DOCK3: variants seen among roughly 807,000 people sequenced by gnomAD.
DOCK3 encodes dedicator of cytokinesis 3.
In DOCK3, 60 loss-of-function variants were observed where a neutral mutation model predicts 265.6. The observed-to-expected ratio is 0.23, with a 90% CI of 0.18 to 0.28. DOCK3 has a LOEUF of 0.28. DOCK3 is among the 10% of genes least tolerant of loss of function. DOCK3 has a pLI of 1.00. For missense variants in DOCK3, 1,981 were observed against 2,594.3 expected (o/e 0.76, Z 5.14); for synonymous variants, 881 against 938.0 (o/e 0.94, Z 1.11).
At chr3:50,757,867 G>T (rs1296486824) in intron 1 of DOCK3, among the ~76,000 whole-genome samples, 1 of 151,938 alleles carries the variant, frequency 6.6e-6, no homozygotes, top group Non-Finnish European at 1.5e-5. Context: ...GAATTGTCTT[G>T]GCACCTTTAT....
intron 5 of DOCK3, among the ~76,000 whole-genome samples, chr3:51,000,875 A>G (rs1451749438): frequency 6.6e-6 from 1 of 151,342 alleles, no homozygotes; most frequent in Non-Finnish European, 1.5e-5. Context: ...CTGGTCTTGA[A>G]CTCCTGACCT....
chr3:51,226,798 A>G (rs991457188), intron 15 of DOCK3, among the ~76,000 whole-genome samples: 5 of 152,182 alleles, frequency 3.3e-5, no homozygotes, highest in Non-Finnish European at 7.3e-5. Flanking sequence ...AATCTGGACT[A>G]ACTTGTTTAT....
chr3:50,679,576 G>T (rs1189553596), intron 1 of DOCK3, among the ~76,000 whole-genome samples: 1 of 152,150 alleles, frequency 6.6e-6, no homozygotes, highest in East Asian at 1.9e-4. Flanking sequence ...TGCAGGAAAA[G>T]AATCTGAAGG....
chr3:50,978,130 T>C (rs1485093097), intron 5 of DOCK3, among the ~76,000 whole-genome samples: 11 of 151,960 alleles, frequency 7.2e-5, no homozygotes, highest in South Asian at 2.1e-4. Context: ...GTCTGAAGCC[T>C]TCTTCTCTCA....
chr3:50,991,582 C>G (rs997707703), intron 5 of DOCK3, among the ~76,000 whole-genome samples: 5 of 152,160 alleles, frequency 3.3e-5, no homozygotes, highest in Admixed American at 3.3e-4. Flanking sequence ...CACCTGGATT[C>G]ATAAAGCCAA....
intron 14 of DOCK3, among the ~76,000 whole-genome samples, chr3:51,221,194 G>T (rs937764152): frequency 1.9e-4 from 29 of 152,142 alleles, no homozygotes; most frequent in African/African-American, 6.8e-4. Flanking sequence ...AAGCACCTCT[G>T]AGTATTCCAG....
chr3:51,110,193 A>G (rs1372590276), intron 9 of DOCK3, among the ~76,000 whole-genome samples: 5 of 152,072 alleles, frequency 3.3e-5, no homozygotes, highest in Non-Finnish European at 7.4e-5. Flanking sequence ...AAATAAATAA[A>G]TAAATAAATA....
intron 9 of DOCK3, among the ~76,000 whole-genome samples, chr3:51,102,650 A>G (rs1214457799): frequency 2.0e-5 from 3 of 152,244 alleles, no homozygotes; most frequent in Non-Finnish European, 2.9e-5. Context: ...TGTTGTAGAA[A>G]TAGCACAAAC....
chr3:50,812,383 AG>A (rs1227482849), intron 2 of DOCK3, among the ~76,000 whole-genome samples: 1 of 152,204 alleles, frequency 6.6e-6, no homozygotes, highest in East Asian at 1.9e-4. Flanking sequence ...AGATGTTTAT[AG>A]GGTTGTATTA....
chr3:51,015,442 A>G (rs1419958418), intron 5 of DOCK3, among the ~76,000 whole-genome samples: 2 of 151,556 alleles, frequency 1.3e-5, no homozygotes, highest in African/African-American at 2.4e-5. Context: ...ATTGATTTGC[A>G]TATTTTGAAC....
chr3:51,233,361 T>TC (rs141212241), intron 19 of DOCK3, among the ~76,000 whole-genome samples: 20 of 10,444 alleles, frequency 1.9e-3, no homozygotes, highest in South Asian at 0.01. Context: ...TATCTATCTA[T>TC]TTATTTATTT....
chr3:50,970,947 AATG>A (rs2077209111), intron 5 of DOCK3, among the ~76,000 whole-genome samples: 6 of 53,298 alleles, frequency 1.1e-4, no homozygotes, highest in African/African-American at 5.1e-4. Flanking sequence ...ATATATATAT[AATG>A]TGTGTGTGTG....
intron 19 of DOCK3, among the ~76,000 whole-genome samples, chr3:51,230,387 T>C (rs1029298510): frequency 3.9e-5 from 6 of 152,234 alleles, no homozygotes; most frequent in Non-Finnish European, 7.3e-5. Flanking sequence ...TTTTCTGTTC[T>C]TGCTAGTTTC....
rs1437297019 is a variant in DOCK3, at chr3:51,382,669, A to G, written c.*1110A>G. ...GGGGCTTCTCCTTTTGGAAGCAGAT[A>G]GCCATGCAGGTAGAATTGTCATCTC... On this transcript the variant is annotated 3_prime_UTR_variant, in exon 53 of 53. Transcript: ENST00000266037. The G allele has an allele frequency of 6.6e-6, 1 of 152,556 alleles. No homozygotes were observed. Among genetic ancestry groups the G allele is most frequent in the Non-Finnish European group, 1.5e-5 (1 of 68,076 alleles). The allele number at this position is 152,556 out of a possible 1,614,324, so 9.5% of individuals were successfully genotyped here. A position where few individuals can be genotyped will look rare whatever the true frequency, so the allele number is the denominator to read the frequency against.
chr3:51,256,564 C>T (rs1560297885), intron 22 of DOCK3, among the ~76,000 whole-genome samples: 1 of 151,604 alleles, frequency 6.6e-6, no homozygotes, highest in Non-Finnish European at 1.5e-5. Flanking sequence ...AGCCATCGCA[C>T]CCAGCGAAGA....
rs969089397 is a variant in DOCK3 at position 51,341,514 on chromosome 3, A to G, written c.3915+129A>G. ...GTGGTGAGTGGGTGGGTGCCTATCT[A>G]TGTGCCTAAGATGTGGAGGCAGCAT... On this transcript the variant is annotated intron_variant, in intron 38 of 52. Coordinates refer to ENST00000266037, the MANE Select transcript of DOCK3 (RefSeq NM_004947.5). The G allele has an allele frequency of 9.1e-6, 12 of 1,318,088 alleles. No homozygotes were observed. The African/African-American group carries it at 1.6e-4, about 18-fold the overall frequency. The allele number at this position is 1,318,088 out of a possible 1,614,324, so 81.6% of individuals were successfully genotyped here. A position where few individuals can be genotyped will look rare whatever the true frequency, so the allele number is the denominator to read the frequency against.
chr3:50,993,593 T>C (rs2078183432), intron 5 of DOCK3, among the ~76,000 whole-genome samples: 1 of 152,206 alleles, frequency 6.6e-6, no homozygotes, highest in Non-Finnish European at 1.5e-5. Context: ...ATCAGTTTAT[T>C]GCACACATGA....
chr3:51,095,248 A>G (rs549707610), intron 9 of DOCK3, among the ~76,000 whole-genome samples: 15 of 152,128 alleles, frequency 9.9e-5, no homozygotes, highest in Admixed American at 9.8e-4. Flanking sequence ...CAGTTTCTTC[A>G]TAGTGTGGAT....
At chr3:50,889,825 A>G (rs1438709035) in intron 3 of DOCK3, among the ~76,000 whole-genome samples, 1 of 152,100 alleles carries the variant, frequency 6.6e-6, no homozygotes. Flanking sequence ...TTGTCTCCTG[A>G]GGATAGATTT....
Sources: gnomAD v4.1 joint callset for allele counts (sites outside exome capture counted in the v4.1 genomes callset) on GRCh38, gnomAD v4.1.1 for gene constraint, MANE v1.5 for transcripts, NCBI Gene and HGNC (gene_info 2026-07-23, HGNC 2026-07-21) for gene names.